IFNGR1: variants seen among roughly 807,000 people sequenced by gnomAD.
IFNGR1 encodes interferon gamma receptor 1, also known as AVP, type 2.
Under a neutral mutation model 35.4 loss-of-function variants are expected in IFNGR1, and 23 were observed. The ratio of observed to expected loss-of-function variants is 0.65; its 90% CI spans 0.47 to 0.92. The LOEUF is 0.92. Ranked by LOEUF, IFNGR1 falls within the 40% of genes least tolerant of loss-of-function variation. The probability of loss-of-function intolerance (pLI) is 0.00; values close to 1 mark genes in which losing one functional copy is unlikely to be tolerated. For missense variants in IFNGR1, 533 were observed against 583.4 expected (o/e 0.91, Z 0.89); for synonymous variants, 199 against 209.5 (o/e 0.95, Z 0.43).
chr6:137,210,008 C>G (rs1005623621), intron 1 of IFNGR1: 9 of 397,022 alleles, frequency 2.3e-5, no homozygotes, highest in African/African-American at 1.8e-4. Context: ...AGAGAACAGA[C>G]AGAAGTCATT....
intron 1 of IFNGR1, chr6:137,209,766 C>T: frequency 5.0e-6 from 2 of 398,710 alleles, no homozygotes; most frequent in Non-Finnish European, 8.8e-6. Flanking sequence ...GCCAATTTCA[C>T]TCTAAAATAC....
At chr6:137,212,660 C>G (rs988634751) in intron 1 of IFNGR1, among the ~76,000 whole-genome samples, 1 of 152,198 alleles carries the variant, frequency 6.6e-6, no homozygotes, top group Non-Finnish European at 1.5e-5. Context: ...AATCTGCATA[C>G]TAGAATATCA....
rs1779113311 is a variant in IFNGR1 at position 137,197,526 on chromosome 6, T to A, written c.*505A>T. 1 of 152,672 alleles carries A rather than the reference T, an allele frequency of 6.5e-6. No homozygotes were observed. The highest frequency in any genetic ancestry group is 1.5e-5 in the Non-Finnish European group (1 of 68,480). The allele number at this position is 152,672 out of a possible 1,614,324, so 9.5% of individuals were successfully genotyped here. On this transcript the variant is annotated 3_prime_UTR_variant, in exon 7 of 7. Coordinates refer to ENST00000367739, the MANE Select transcript of IFNGR1 (RefSeq NM_000416.3). ...TATTTAAAAATCTCTAACTGTAATG[T>A]TTCATAAAAAATATACACGTTTCTA...
At chr6:137,202,374 T>C (rs1483401541) in intron 5 of IFNGR1, among the ~76,000 whole-genome samples, 1 of 152,214 alleles carries the variant, frequency 6.6e-6, no homozygotes. Context: ...TAAGAAGGGT[T>C]TTATTTTTCA....
chr6:137,218,179 C>T (rs1014315587), intron 1 of IFNGR1, among the ~76,000 whole-genome samples: 8 of 152,110 alleles, frequency 5.3e-5, no homozygotes, highest in African/African-American at 1.9e-4. Flanking sequence ...CTCAATTTCT[C>T]GTCCATAAAG....
chr6:137,199,488 T>G (rs1335339288), intron 6 of IFNGR1, among the ~76,000 whole-genome samples: 1 of 103,626 alleles, frequency 9.7e-6, no homozygotes, highest in African/African-American at 3.8e-5. Context: ...TAATTTATAA[T>G]ATATTATATA....
intron 1 of IFNGR1, among the ~76,000 whole-genome samples, chr6:137,216,026 A>G (rs998878504): frequency 3.3e-5 from 5 of 152,216 alleles, no homozygotes; most frequent in African/African-American, 1.2e-4. Flanking sequence ...GATAGAACCA[A>G]AATATGGTCC....
At chr6:137,215,208 A>G (rs952084577) in intron 1 of IFNGR1, 14 of 1,527,906 alleles carry the variant, frequency 9.2e-6, no homozygotes, top group Non-Finnish European at 6.2e-6. Flanking sequence ...GTTGGTTTTC[A>G]TTAAGAAAAA....
intron 1 of IFNGR1, among the ~76,000 whole-genome samples, chr6:137,213,584 T>C (rs1309462739): frequency 1.3e-5 from 2 of 152,076 alleles, no homozygotes; most frequent in African/African-American, 4.8e-5. Context: ...AGAGACAGGA[T>C]ATGAAAAAAG....
At chr6:137,206,575 T>A in intron 2 of IFNGR1, 1 of 419,804 alleles carries the variant, frequency 2.4e-6, no homozygotes, top group East Asian at 4.3e-5. Context: ...ATCTGTTTTT[T>A]TAAACAACTC....
At chr6:137,214,629 G>C (rs1199275072) in intron 1 of IFNGR1, among the ~76,000 whole-genome samples, 2 of 152,156 alleles carry the variant, frequency 1.3e-5, no homozygotes, top group African/African-American at 4.8e-5. Flanking sequence ...TTTCTGACTT[G>C]AAATCCAGGG....
chr6:137,212,657 A>T (rs1779604077), intron 1 of IFNGR1, among the ~76,000 whole-genome samples: 1 of 152,224 alleles, frequency 6.6e-6, no homozygotes, highest in African/African-American at 2.4e-5. Flanking sequence ...GTCAATCTGC[A>T]TACTAGAATA....
At chr6:137,198,705 A>T in intron 6 of IFNGR1, 66 bp from the exon 7 acceptor site, 6 of 1,303,976 alleles carry the variant, frequency 4.6e-6, no homozygotes, top group Non-Finnish European at 6.6e-6. Flanking sequence ...CTCAAAAAAA[A>T]CAAAGGTCTG....
Position 137,219,254 on chromosome 6 carries a change from C to T in IFNGR1, c.74G>A (p.Gly25Glu), listed in dbSNP as rs1405796456. The change falls in exon 1 of 7, where the codon GGG (glycine) becomes GAG (glutamate). Residue 25 changes from glycine (G) to glutamate (E), a missense_variant. Coordinates refer to ENST00000367739, the MANE Select transcript of IFNGR1 (RefSeq NM_000416.3). ...GCGAACGACGGTACCTGAGGACGGCCCCAGATCCGCGGTGCCCATCTCAGC... is the reference window on the plus strand; with the variant it reads ...GCGAACGACGGTACCTGAGGACGGCTCCAGATCCGCGGTGCCCATCTCAGC... ...SRAEMGTADL[G>E]PSSVPTPTNV... The T allele has an allele frequency of 6.2e-7, 1 of 1,610,642 alleles. No homozygotes were observed. Among genetic ancestry groups the T allele is most frequent in the Non-Finnish European group, 8.5e-7 (1 of 1,178,844 alleles).
Position 137,198,176 on chromosome 6 carries a change from C to A in IFNGR1, c.1325G>T (p.Gly442Val), listed in dbSNP as rs779180555. The A allele has an allele frequency of 2.5e-6, 4 of 1,614,086 alleles. No individual in the cohort carries two copies. Among genetic ancestry groups the A allele is most frequent in the East Asian group, 2.2e-5 (1 of 44,870 alleles). ...PNNKGEIKTE[G>V]QELITVIKAP... is the part of the protein sequence containing the mutation. ...TTTTATTACGGTTATGAGCTCTTGT[C>A]CTTCTGTTTTTATTTCACCTTTATT... Residue 442 changes from glycine to valine, a missense_variant, in exon 7 of 7, where the codon GGA (glycine) becomes GTA (valine). Coordinates refer to ENST00000367739, the MANE Select transcript of IFNGR1 (RefSeq NM_000416.3).
rs561946283 is a variant in IFNGR1 at position 137,205,506 on chromosome 6, G to A, written c.373+630C>T. Among the ~76,000 whole-genome samples the A allele has an allele frequency of 3.9e-5, 6 of 152,316 alleles. No homozygotes were observed. In the South Asian group the frequency reaches 8.3e-4, roughly 21 times the overall value. ...AGACCTGAAAATCACAGTGGCTGAA[G>A]AGAATAAGGAACTCTGCAATTTTTT... On this transcript the variant is annotated intron_variant, in intron 3 of 6. Transcript: ENST00000367739.
At chr6:137,199,360 ATATAT>A (rs1204200054) in intron 6 of IFNGR1, among the ~76,000 whole-genome samples, 14 of 128,972 alleles carry the variant, frequency 1.1e-4, no homozygotes, top group South Asian at 8.7e-4. Context: ...ATAATTTATA[ATATAT>A]TATATAAAAT....
rs1779367871 is a variant in IFNGR1 at position 137,204,139 on chromosome 6, A to C, written c.546+193T>G. ...AAGCAAATAAAAACTAAATGTATTC[A>C]CATGGTCAGTGTTAGTGACTAACTC... On this transcript the variant is annotated intron_variant, in intron 4 of 6. Transcript: ENST00000367739. Among the ~76,000 whole-genome samples, 2 of 152,236 alleles carry C rather than the reference A, an allele frequency of 1.3e-5. 1 individual carries two copies. Among genetic ancestry groups the C allele is most frequent in the South Asian group, 4.1e-4 (2 of 4,834 alleles).
At position 137,198,268 on chromosome 6, in the gene IFNGR1, A is replaced by T; in HGVS notation, c.1233T>A (p.Gly411=). The T allele has an allele frequency of 6.2e-7, 1 of 1,614,022 alleles. No individual in the cohort carries two copies. Among genetic ancestry groups the T allele is most frequent in the South Asian group, 1.1e-5 (1 of 91,084 alleles). The change falls in exon 7 of 7, where the codon GGT becomes GGA. Residue 411 remains glycine (G), a synonymous_variant. Coordinates refer to ENST00000367739, the MANE Select transcript of IFNGR1 (RefSeq NM_000416.3). ...CCAGACAGCTGGAATCAGTATCAAA[A>T]CCATTTCTGGAGTGATCACTCTCAG... is the stretch of plus-strand genomic sequence containing the variant. ...NCSESDHSRN[G]FDTDSSCLES...
Sources: allele counts gnomAD v4.1 joint callset (sites outside exome capture counted in the v4.1 genomes callset), GRCh38; gene constraint gnomAD v4.1.1; transcripts MANE v1.5; gene names NCBI Gene and HGNC (gene_info 2026-07-23, HGNC 2026-07-21).